The following FYN variants were observed in gnomAD, a reference collection of about 807,000 sequenced individuals.
FYN encodes the protein FYN proto-oncogene, Src family tyrosine kinase, also known as tyrosine-protein kinase Fyn.
Under a neutral mutation model 70.2 loss-of-function variants are expected in FYN, and 10 were observed. That is an observed-to-expected ratio of 0.14 (90% CI 0.09 to 0.24). The LOEUF (loss-of-function observed/expected upper bound fraction) is 0.24, where lower values mean the gene tolerates loss of function less well. FYN is among the 10% of genes least tolerant of loss of function. FYN has a pLI of 1.00. For missense variants in FYN, 319 were observed against 673.1 expected, an observed-to-expected ratio of 0.47 and a Z score of 5.82; for synonymous variants, 236 against 248.6, an observed-to-expected ratio of 0.95 and a Z score of 0.48.
At chr6:111,730,402 G>A (rs1017589240) in intron 3 of FYN, among the ~76,000 whole-genome samples, 1 of 152,176 alleles carries the variant, frequency 6.6e-6, no homozygotes, top group Non-Finnish European at 1.5e-5. Flanking sequence ...AATTCAGAAT[G>A]ACGGTACTCA....
chr6:111,762,816 A>G (rs1193188382), intron 3 of FYN, among the ~76,000 whole-genome samples: 2 of 152,020 alleles, frequency 1.3e-5, no homozygotes, highest in African/African-American at 2.4e-5. Context: ...AAGTCCTTGC[A>G]TAATTTTTGT....
At chr6:111,808,640 G>A (rs1772228287) in intron 2 of FYN, among the ~76,000 whole-genome samples, 2 of 152,208 alleles carry the variant, frequency 1.3e-5, no homozygotes, top group African/African-American at 4.8e-5. Flanking sequence ...ACAGAGCAGA[G>A]TGGAGAGTAT....
At chr6:111,663,873 T>C (rs1410247296) in intron 13 of FYN, among the ~76,000 whole-genome samples, 1 of 152,086 alleles carries the variant, frequency 6.6e-6, no homozygotes, top group Non-Finnish European at 1.5e-5. Flanking sequence ...AACTGGAGCA[T>C]GCTCGGGAAT....
intron 4 of FYN, among the ~76,000 whole-genome samples, chr6:111,719,234 A>G (rs993439969): frequency 4.6e-5 from 7 of 152,138 alleles, no homozygotes; most frequent in African/African-American, 1.7e-4. Flanking sequence ...CAGATATTTT[A>G]CAAAGTATTA....
At chr6:111,757,675 G>C (rs1042550609) in intron 3 of FYN, among the ~76,000 whole-genome samples, 3 of 152,208 alleles carry the variant, frequency 2.0e-5, no homozygotes, top group African/African-American at 7.2e-5. Context: ...TCAAGAGGTA[G>C]GCAAAGCTCT....
intron 3 of FYN, among the ~76,000 whole-genome samples, chr6:111,752,091 C>T (rs1016757992): frequency 1.3e-5 from 2 of 152,134 alleles, no homozygotes; most frequent in Admixed American, 6.5e-5. Flanking sequence ...ACCAAAAGTT[C>T]AAAGCAAAAC....
At chr6:111,728,081 T>C (rs1801272659) in intron 3 of FYN, among the ~76,000 whole-genome samples, 1 of 152,220 alleles carries the variant, frequency 6.6e-6, no homozygotes, top group African/African-American at 2.4e-5. Context: ...AATGAGGCTT[T>C]AACACCAAAC....
At chr6:111,695,191 T>C (rs1179519437) in intron 10 of FYN, among the ~76,000 whole-genome samples, 1 of 152,178 alleles carries the variant, frequency 6.6e-6, no homozygotes, top group African/African-American at 2.4e-5. Context: ...ATCAGAAACT[T>C]TGAAGGTTGG....
intron 2 of FYN, among the ~76,000 whole-genome samples, chr6:111,815,499 C>T (rs1441320892): frequency 6.6e-6 from 1 of 152,120 alleles, no homozygotes; most frequent in East Asian, 1.9e-4. Context: ...TAAAAAAAAT[C>T]TAGGTAACTA....
intron 3 of FYN, among the ~76,000 whole-genome samples, chr6:111,751,139 C>G (rs1802466465): frequency 6.6e-6 from 1 of 152,182 alleles, no homozygotes; most frequent in South Asian, 2.1e-4. Flanking sequence ...CAACCTCATT[C>G]CCAACTATTT....
At position 111,674,485 on chromosome 6, in the gene FYN, G is replaced by C. The variant is rs747288114; in HGVS notation, c.1405+14C>G. 1 of 1,604,382 alleles carries C rather than the reference G, an allele frequency of 6.2e-7. No individual in the cohort carries two copies. Among genetic ancestry groups the C allele is most frequent in the East Asian group, 2.2e-5 (1 of 44,502 alleles). On this transcript the variant is annotated intron_variant, in intron 13 of 13. Transcript: ENST00000354650. ...TCCAATCTCAGGCCCATGTCTGTGA[G>C]GCCCTGCTCTTACCTGGGTATGGCA...
chr6:111,700,005 C>T lies in FYN; in HGVS notation c.862+99G>A, dbSNP rs564609076. On this transcript the variant is annotated intron_variant, in intron 9 of 13. Coordinates refer to ENST00000354650, the MANE Select transcript of FYN (RefSeq NM_002037.5). ...CCCCACTATTAGTAATTCAAACTTT[C>T]TTCCCGGTCACGCAGTCTTTATTTT... 7.6e-4 allele frequency: 697 copies of T among 916,720 alleles called. 2 individuals carry two copies. The highest frequency in any genetic ancestry group is 8.1e-4 in the Non-Finnish European group (538 of 663,412). The allele number at this position is 916,720 out of a possible 1,614,324, so 56.8% of individuals were successfully genotyped here.
intron 3 of FYN, among the ~76,000 whole-genome samples, chr6:111,778,203 A>G (rs570177904): frequency 1.3e-5 from 2 of 152,304 alleles, no homozygotes; most frequent in South Asian, 4.2e-4. Context: ...TGAAAATAGC[A>G]TCAGAGGACA....
chr6:111,723,262 A>G (rs6942140), intron 3 of FYN, among the ~76,000 whole-genome samples: 18,431 of 152,242 alleles, frequency 0.12, 2,189 homozygotes, highest in African/African-American at 0.3. Flanking sequence ...AAGAAAAATC[A>G]TCAGCTCCTT....
chr6:111,811,357 C>G (rs1247463770), intron 2 of FYN, among the ~76,000 whole-genome samples: 1 of 152,148 alleles, frequency 6.6e-6, no homozygotes, highest in East Asian at 1.9e-4. Context: ...GGCTGTAGGG[C>G]TTGGGGTATG....
chr6:111,825,711 G>T (rs1039452741), intron 2 of FYN, among the ~76,000 whole-genome samples: 1 of 152,158 alleles, frequency 6.6e-6, no homozygotes, highest in Admixed American at 6.5e-5. Flanking sequence ...GGAGTTCTGT[G>T]ATGCAGAATC....
intron 2 of FYN, among the ~76,000 whole-genome samples, chr6:111,801,181 G>A (rs1435760545): frequency 6.6e-6 from 1 of 151,676 alleles, no homozygotes; most frequent in African/African-American, 2.4e-5. Context: ...GATGCTGCAG[G>A]TGGCCAAGCA....
At chr6:111,741,470 T>C (rs1004661495) in intron 3 of FYN, among the ~76,000 whole-genome samples, 2 of 152,360 alleles carry the variant, frequency 1.3e-5, no homozygotes, top group Middle Eastern at 3.4e-3. Flanking sequence ...TATCTCAGGA[T>C]GTTGAGTTTT....
intron 3 of FYN, among the ~76,000 whole-genome samples, chr6:111,731,461 C>G (rs116687831): frequency 0.014 from 2,137 of 152,318 alleles, 51 homozygotes; most frequent in African/African-American, 0.049. Flanking sequence ...TGTGAGGCCA[C>G]TTGCACTGTG....
Sources: gnomAD v4.1 joint callset for allele counts (sites outside exome capture counted in the v4.1 genomes callset) on GRCh38, gnomAD v4.1.1 for gene constraint, MANE v1.5 for transcripts, NCBI Gene and HGNC (gene_info 2026-07-23, HGNC 2026-07-21) for gene names.